VRK2: variants seen among roughly 807,000 people sequenced by gnomAD.
VRK2 encodes the protein serine/threonine-protein kinase VRK2.
In VRK2, 60 loss-of-function variants were observed where a neutral mutation model predicts 57.6. The observed-to-expected ratio is 1.04, with a 90% CI of 0.85 to 1.29. The LOEUF is 1.29. Among genes scored for constraint, VRK2 ranks in the 50% most tolerant of loss-of-function variants. The pLI, the probability that VRK2 is intolerant of heterozygous loss-of-function variation, is 0.00. For synonymous variants in VRK2, 231 were observed against 199.2 expected (o/e 1.16, Z -1.35); for missense variants, 705 against 588.1 (o/e 1.20, Z -2.06).
chr2:57,997,581 G>C (rs1308907413), intron 1 of VRK2, among the ~76,000 whole-genome samples: 2 of 152,194 alleles, frequency 1.3e-5, no homozygotes, highest in African/African-American at 4.8e-5. Flanking sequence ...TGAGTCAATA[G>C]ATAATGCTTA....
intron 7 of VRK2, among the ~76,000 whole-genome samples, chr2:58,114,070 A>G (rs1354160374): frequency 6.6e-6 from 1 of 152,074 alleles, no homozygotes; most frequent in Non-Finnish European, 1.5e-5. Flanking sequence ...TGGGGTTGTT[A>G]GAAGAAACAT....
At chr2:58,101,267 T>G (rs1673920747) in intron 7 of VRK2, among the ~76,000 whole-genome samples, 1 of 151,744 alleles carries the variant, frequency 6.6e-6, no homozygotes, top group Non-Finnish European at 1.5e-5. Flanking sequence ...TTTTGAAAAT[T>G]TTTAAACATA....
intron 1 of VRK2, among the ~76,000 whole-genome samples, chr2:57,911,434 C>G (rs1374035346): frequency 2.6e-5 from 4 of 152,302 alleles, no homozygotes; most frequent in Admixed American, 2.6e-4. Context: ...ATAACACAGA[C>G]AGTGCTGATG....
chr2:58,038,191 G>A (rs898404292), intron 3 of VRK2, among the ~76,000 whole-genome samples: 5 of 152,208 alleles, frequency 3.3e-5, no homozygotes, highest in Non-Finnish European at 7.4e-5. Context: ...GATCATGGGG[G>A]TGTTTTCCCC....
At chr2:58,084,205 T>C (rs1326418689) in intron 3 of VRK2, 67 bp downstream of exon 3, 1 of 1,498,164 alleles carries the variant, frequency 6.7e-7, no homozygotes, top group East Asian at 2.3e-5. Flanking sequence ...TTTAAGAATG[T>C]TTTTCACGTT....
chr2:58,117,929 C>T (rs1024675414), intron 7 of VRK2, among the ~76,000 whole-genome samples: 6 of 151,870 alleles, frequency 4.0e-5, no homozygotes, highest in African/African-American at 1.5e-4. Context: ...GGTAGGGGTT[C>T]CTTGCCCTCC....
intron 7 of VRK2, among the ~76,000 whole-genome samples, chr2:58,112,119 T>C (rs957618877): frequency 5.9e-5 from 9 of 152,172 alleles, no homozygotes; most frequent in African/African-American, 2.2e-4. Context: ...TATTGTATTT[T>C]TGAAAAAAGA....
At chr2:58,136,531 C>T (rs1013279003) in intron 10 of VRK2, among the ~76,000 whole-genome samples, 6 of 151,726 alleles carry the variant, frequency 4.0e-5, no homozygotes, top group East Asian at 1.9e-4. Flanking sequence ...ACTACAGACA[C>T]GTGCCACGAT....
chr2:57,970,195 TTAA>T (rs202055166), intron 1 of VRK2, among the ~76,000 whole-genome samples: 1,488 of 148,578 alleles, frequency 0.01, 24 homozygotes, highest in African/African-American at 0.034. Flanking sequence ...TATAACATTA[TTAA>T]TATTTATATT....
intron 2 of VRK2, among the ~76,000 whole-genome samples, chr2:58,073,161 C>T (rs1669592194): frequency 6.6e-6 from 1 of 151,918 alleles, no homozygotes; most frequent in African/African-American, 2.4e-5. Context: ...CCATTTTGGT[C>T]TGAGAACATA....
chr2:58,129,016 A>G (rs1459353147), intron 8 of VRK2, among the ~76,000 whole-genome samples: 1 of 152,224 alleles, frequency 6.6e-6, no homozygotes, highest in African/African-American at 2.4e-5. Context: ...AATGTAGAAC[A>G]TTTGAGAATA....
chr2:58,108,392 T>C (rs1262108095), intron 7 of VRK2, among the ~76,000 whole-genome samples: 1 of 152,200 alleles, frequency 6.6e-6, no homozygotes, highest in Non-Finnish European at 1.5e-5. Context: ...CCAGTGCTGA[T>C]ATTATTATTC....
intron 8 of VRK2, among the ~76,000 whole-genome samples, chr2:58,124,101 CT>C (rs1298709418): frequency 6.6e-6 from 1 of 152,146 alleles, no homozygotes; most frequent in Non-Finnish European, 1.5e-5. Context: ...ATTGATTGTA[CT>C]GCCTTGCATT....
At chr2:57,950,601 ATGT>A (rs1671397228) in intron 1 of VRK2, among the ~76,000 whole-genome samples, 1 of 152,222 alleles carries the variant, frequency 6.6e-6, no homozygotes, top group Non-Finnish European at 1.5e-5. Context: ...AAGGAGATTA[ATGT>A]TGTCTTCGTG....
At chr2:57,908,784 A>T (rs1355510724) in intron 1 of VRK2, among the ~76,000 whole-genome samples, 1 of 152,168 alleles carries the variant, frequency 6.6e-6, no homozygotes, top group Non-Finnish European at 1.5e-5. Context: ...TAAAATGAAG[A>T]CCAGGCCTGA....
chr2:57,918,778 T>C (rs1670237706), intron 1 of VRK2, among the ~76,000 whole-genome samples: 1 of 152,162 alleles, frequency 6.6e-6, no homozygotes. Flanking sequence ...CAAAGGCATC[T>C]ATTGAACTTT....
At chr2:57,963,243 T>C (rs1289098911) in intron 1 of VRK2, among the ~76,000 whole-genome samples, 2 of 152,188 alleles carry the variant, frequency 1.3e-5, no homozygotes, top group South Asian at 2.1e-4. Context: ...CTAATTAGCA[T>C]TTTATTAAAG....
chr2:58,015,435 T>C (rs1276614649), intron 1 of VRK2, among the ~76,000 whole-genome samples: 1 of 152,224 alleles, frequency 6.6e-6, no homozygotes. Flanking sequence ...TCTGATTCTA[T>C]TGACCTTACA....
chr2:57,915,665 A>T (rs1464497009), intron 1 of VRK2, among the ~76,000 whole-genome samples: 1 of 152,198 alleles, frequency 6.6e-6, no homozygotes. Flanking sequence ...ATAAACAGTT[A>T]TCTGCGATAA....
Sources: gnomAD v4.1 joint callset for allele counts (sites outside exome capture counted in the v4.1 genomes callset) on GRCh38, gnomAD v4.1.1 for gene constraint, MANE v1.5 for transcripts, NCBI Gene and HGNC (gene_info 2026-07-23, HGNC 2026-07-21) for gene names.